The following HEATR5B variants were observed in gnomAD, a reference collection of about 807,000 sequenced individuals.
HEATR5B encodes HEAT repeat containing 5B.
A neutral mutation model predicts 224.1 loss-of-function variants in HEATR5B; 156 were observed. That is an observed-to-expected ratio of 0.70 (90% CI 0.61 to 0.80). The LOEUF (loss-of-function observed/expected upper bound fraction) is 0.80. Among genes scored for constraint, HEATR5B ranks in the 30% least tolerant of loss-of-function variants. The pLI, the probability that HEATR5B is intolerant of heterozygous loss-of-function variation, is 0.00. For missense variants in HEATR5B, 2,323 were observed against 2,535.5 expected (o/e 0.92, Z 1.80); for synonymous variants, 1,027 against 893.0 (o/e 1.15, Z -2.68).
At chr2:37,006,222 G>A (rs1667404809) in intron 29 of HEATR5B, among the ~76,000 whole-genome samples, 1 of 152,136 alleles carries the variant, frequency 6.6e-6, no homozygotes, top group Non-Finnish European at 1.5e-5. Context: ...TGTTTTGGAA[G>A]TTTTTCACAT....
rs568103407 is a variant in HEATR5B at position 36,987,463 on chromosome 2, A to C, written c.5911+1183T>G. On this transcript the variant is annotated intron_variant, in intron 35 of 35. Transcript: ENST00000233099. ...TTCATTTGTGATCTTGAAAAATTAAAAACAGCTTAATGTTCAATCATAAGA... is the reference window on the plus strand; with the variant it reads ...TTCATTTGTGATCTTGAAAAATTAACAACAGCTTAATGTTCAATCATAAGA... Among the ~76,000 whole-genome samples, 5 of 152,116 alleles carry C rather than the reference A, an allele frequency of 3.3e-5. 1 individual carries two copies. The highest frequency in any genetic ancestry group is 2.6e-4 in the Admixed American group (4 of 15,260).
chr2:37,013,894 G>C lies in HEATR5B; in HGVS notation c.4231C>G (p.Arg1411Gly). 1 of 1,611,504 alleles carries C rather than the reference G, an allele frequency of 6.2e-7. No individual in the cohort carries two copies. The highest frequency in any genetic ancestry group is 8.5e-7 in the Non-Finnish European group (1 of 1,178,834). The part of the protein sequence containing the change: ...AGKGSSSQLY[R>G]ESATTMEKLA... ...TTTTCCATGGTCGTGGCACTCTCTC[G>C]GTACAGCTGGCTGGAAGATCCTTTT... Residue 1411 changes from arginine (R) to glycine (G), a missense_variant, in exon 27 of 36, where the codon CGA becomes GGA. This residue lies in a region of HEATR5B where 844 missense variants were observed against 812.9 expected (regional missense o/e 1.04). Transcript: ENST00000233099.
intron 18 of HEATR5B, among the ~76,000 whole-genome samples, chr2:37,047,153 G>A (rs1402527270): frequency 1.3e-5 from 2 of 150,644 alleles, no homozygotes; most frequent in African/African-American, 4.9e-5. Context: ...AGACCAGCCT[G>A]GGCAACACAG....
rs187696813 is a variant in HEATR5B at position 37,019,416 on chromosome 2, T to C, written c.4104+393A>G. On this transcript the variant is annotated intron_variant, in intron 26 of 35. Coordinates refer to ENST00000233099, the MANE Select transcript of HEATR5B (RefSeq NM_019024.3). ...AGAATAAAAAGGAAAACTGCCATTG[T>C]TGTATTTCCAAGATAAAAATATTAT... 5.4e-4 allele frequency among the ~76,000 whole-genome samples: 82 copies of C among 152,172 alleles called. 2 individuals carry two copies. The highest frequency in any genetic ancestry group is 4.5e-3 in the Admixed American group (69 of 15,278).
chr2:37,067,488 G>C (rs1168398375), intron 8 of HEATR5B, among the ~76,000 whole-genome samples: 1 of 152,114 alleles, frequency 6.6e-6, no homozygotes, highest in African/African-American at 2.4e-5. Context: ...TAGTTTACTG[G>C]CTGGGCGTGG....
intron 35 of HEATR5B, among the ~76,000 whole-genome samples, chr2:36,987,988 T>A (rs914695897): frequency 1.3e-5 from 2 of 151,796 alleles, no homozygotes; most frequent in Admixed American, 1.3e-4. Context: ...GGGAGGATTG[T>A]TTCAGTGCAG....
intron 26 of HEATR5B, among the ~76,000 whole-genome samples, chr2:37,015,113 T>C (rs569459252): frequency 2.0e-5 from 3 of 152,314 alleles, no homozygotes; most frequent in African/African-American, 7.2e-5. Context: ...AAGGGAAAGA[T>C]TAATTCTAGC....
chr2:37,051,248 C>G (rs1191403220), intron 17 of HEATR5B, among the ~76,000 whole-genome samples: 1 of 144,170 alleles, frequency 6.9e-6, no homozygotes, highest in East Asian at 2.2e-4. Flanking sequence ...CTCAGCTACT[C>G]GGGAGGCTGA....
At position 37,041,345 on chromosome 2, in the gene HEATR5B, C is replaced by A. The variant is rs2148499857; in HGVS notation, c.2697-53G>T. The A allele has an allele frequency of 4.6e-6, 7 of 1,538,098 alleles. No homozygotes were observed. In the South Asian group the frequency reaches 8.0e-5, roughly 17 times the overall value. ...TAACTTTGCTATTTCCCTATAAAAA[C>A]AACAACATTATAAGTCACACAAAAA... On this transcript the variant is annotated intron_variant, in intron 18 of 35. Coordinates refer to ENST00000233099, the MANE Select transcript of HEATR5B (RefSeq NM_019024.3).
At chr2:37,037,819 C>A in intron 21 of HEATR5B, 36 bp downstream of exon 21, 1 of 1,399,508 alleles carries the variant, frequency 7.1e-7, no homozygotes, top group Non-Finnish European at 9.4e-7. Context: ...TAAAATACAA[C>A]TTAAAAATCA....
In HEATR5B at chr2:36,981,675, T is replaced by C; in HGVS notation, c.6031A>G (p.Met2011Val). The change falls in exon 36 of 36, where the codon ATG becomes GTG. Residue 2011 changes from methionine to valine, a missense_variant. Met to Val is a conservative substitution (Grantham distance 21). This residue lies in a region of HEATR5B where 844 missense variants were observed against 812.9 expected (regional missense o/e 1.04). Coordinates refer to ENST00000233099, the MANE Select transcript of HEATR5B (RefSeq NM_019024.3). ...TGTGGATACAGAGGTCCAATATGCATTAAATTCTGGAGTGCAAACTCATGA... is the reference window on the plus strand; with the variant it reads ...TGTGGATACAGAGGTCCAATATGCACTAAATTCTGGAGTGCAAACTCATGA... The part of the protein sequence containing the change: ...DLHEFALQNL[M>V]HIGPLYPHAF... The C allele has an allele frequency of 6.2e-7, 1 of 1,614,156 alleles. No homozygotes were observed. The highest frequency in any genetic ancestry group is 8.5e-7 in the Non-Finnish European group (1 of 1,180,010).
chr2:37,071,973 C>T (rs767799933), intron 6 of HEATR5B, 137 bp downstream of exon 6: 10 of 628,474 alleles, frequency 1.6e-5, no homozygotes, highest in South Asian at 2.8e-5. Flanking sequence ...CATGAGTCAC[C>T]GCGCCCAGCC....
rs17020143 is a variant in HEATR5B at position 37,028,663 on chromosome 2, C to T, written c.3601+18G>A. The T allele has an allele frequency of 0.095, 152,995 of 1,604,820 alleles. 12,728 individuals are homozygous for T. Among genetic ancestry groups the T allele is most frequent in the East Asian group, 0.53 (23,563 of 44,750 alleles). ...AAAACAATTTCCATTATTTTAAGAA[C>T]GCACATTAAATACTTACCACTAGAA... On this transcript the variant is annotated intron_variant, in intron 23 of 35. Transcript: ENST00000233099.
chr2:37,037,791 AATTT>A (rs1250312326), intron 21 of HEATR5B, 60 bp downstream of exon 21: 7 of 1,259,054 alleles, frequency 5.6e-6, no homozygotes, highest in Non-Finnish European at 7.3e-6. Context: ...ATCCATAAAA[AATTT>A]TTTAAATGTA....
At position 36,990,703 on chromosome 2, in the gene HEATR5B, A is replaced by C; in HGVS notation, c.5642T>G (p.Leu1881Ter). The change falls in exon 34 of 36, where the codon TTA becomes TGA. Residue 1881 changes from leucine to a stop codon, truncating the protein, a stop_gained. Transcript: ENST00000233099. LOFTEE classifies it high-confidence loss of function. ...ASNEIIGVQSLQNGCMNRFKN... is the reference protein window; with the variant it reads ...ASNEIIGVQS The stretch of plus-strand genomic sequence containing the variant: ...AAATCTGTTCATGCAGCCATTCTGT[A>C]ATGACTGGACTCCTATTATTTCATT... 1 of 1,611,492 alleles carries C rather than the reference A, an allele frequency of 6.2e-7. No individual in the cohort carries two copies. Among genetic ancestry groups the C allele is most frequent in the Non-Finnish European group, 8.5e-7 (1 of 1,178,872 alleles).
chr2:37,071,028 T>C (rs1006698222), intron 6 of HEATR5B, among the ~76,000 whole-genome samples: 39 of 152,316 alleles, frequency 2.6e-4, no homozygotes, highest in African/African-American at 8.9e-4. Flanking sequence ...ATCTATAAAA[T>C]AGTAGTAACA....
intron 21 of HEATR5B, among the ~76,000 whole-genome samples, chr2:37,036,508 T>C (rs545721300): frequency 5.8e-4 from 68 of 117,214 alleles, no homozygotes; most frequent in African/African-American, 2.5e-3. Flanking sequence ...ACACCTTAAA[T>C]ATCAATTGTT....
At chr2:36,995,766 T>C (rs911737782) in intron 33 of HEATR5B, among the ~76,000 whole-genome samples, 2 of 152,254 alleles carry the variant, frequency 1.3e-5, no homozygotes, top group African/African-American at 2.4e-5. Context: ...TATACTATCA[T>C]GTACTTTATA....
intron 24 of HEATR5B, among the ~76,000 whole-genome samples, chr2:37,023,212 A>C (rs1668572335): frequency 6.6e-6 from 1 of 152,224 alleles, no homozygotes. Context: ...TTAAATACTA[A>C]AGATCAGTGA....
Sources: gnomAD v4.1 joint callset for allele counts (sites outside exome capture counted in the v4.1 genomes callset) on GRCh38, gnomAD v4.1.1 for gene constraint, gnomAD v4.1.1 regional missense constraint, MANE v1.5 for transcripts, NCBI Gene and HGNC (gene_info 2026-07-23, HGNC 2026-07-21) for gene names.